The following IDH2 variants were observed in gnomAD, a reference collection of about 807,000 sequenced individuals.
IDH2 encodes isocitrate dehydrogenase (NADP(+)) 2, also known as isocitrate dehydrogenase [NADP], mitochondrial.
A neutral mutation model predicts 50.5 loss-of-function variants in IDH2; 18 were observed. The ratio of observed to expected loss-of-function variants is 0.36; its 90% CI spans 0.25 to 0.53. IDH2 has a LOEUF of 0.53. Ranked by LOEUF, IDH2 falls within the 20% of genes least tolerant of loss-of-function variation. The pLI is 0.92. For missense variants in IDH2, 518 were observed against 610.7 expected (o/e 0.85, Z 1.60); for synonymous variants, 280 against 239.8 (o/e 1.17, Z -1.55).
rs963793195 is a variant in IDH2 at position 90,100,849 on chromosome 15, C to T, written c.115+1427G>A. ...ACATGGGGACTTCTAGAAGGGCCTGCAACTGACTGCTTTTTCTGTATCCAA... is the reference window on the plus strand; with the variant it reads ...ACATGGGGACTTCTAGAAGGGCCTGTAACTGACTGCTTTTTCTGTATCCAA... On this transcript the variant is annotated intron_variant, in intron 1 of 10. Transcript: ENST00000330062. The surrounding 1 kb of genome is among the most constrained non-coding windows in gnomAD (Gnocchi z 4.1). Among the ~76,000 whole-genome samples, 6 of 152,082 alleles carry T rather than the reference C, an allele frequency of 3.9e-5. No homozygotes were observed. The highest frequency in any genetic ancestry group is 1.4e-4 in the African/African-American group (6 of 41,414).
rs762170003 is a variant in IDH2 at position 90,088,694 on chromosome 15, G to A, written c.427C>T (p.Leu143=). 7.4e-6 allele frequency: 12 copies of A among 1,614,052 alleles called. No homozygotes were observed. The highest frequency in any genetic ancestry group is 9.3e-6 in the Non-Finnish European group (11 of 1,180,014). The change falls in exon 4 of 11, where the codon CTG becomes TTG. Residue 143 remains leucine (L), a synonymous_variant. Coordinates refer to ENST00000330062, the MANE Select transcript of IDH2 (RefSeq NM_002168.4). ...GGCTCCCGGAAGACAGTCCCCCCCAGGATGTTCCGGATAGTTCCATTGGGA... is the reference window on the plus strand; with the variant it reads ...GGCTCCCGGAAGACAGTCCCCCCCAAGATGTTCCGGATAGTTCCATTGGGA... ...KSPNGTIRNI[L]GGTVFREPII...
rs1901239498 is a variant in IDH2 at position 90,098,511 on chromosome 15, T to TATGTATGTATGTATGCATGCATGC, written c.115+3764_115+3765insGCATGCATGCATACATACATACAT. ...AGCAACTTTGTATATTTTATGTATG[T>TATGTATGTATGTATGCATGCATGC]ATGTATGTATGTATGCATGCATGTA... On this transcript the variant is annotated intron_variant, in intron 1 of 10. Transcript: ENST00000330062. This position sits in a 1 kb window ranked among gnomAD's most constrained non-coding sequence, Gnocchi z 5.1. Among the ~76,000 whole-genome samples the TATGTATGTATGTATGCATGCATGC allele has an allele frequency of 1.4e-5, 2 of 139,862 alleles. No individual in the cohort carries two copies. The highest frequency in any genetic ancestry group is 2.1e-4 in the East Asian group (1 of 4,760). The allele number at this position is 139,862 out of a possible 152,430, so 91.8% of individuals were successfully genotyped here.
intron 3 of IDH2, 42 bp downstream of exon 3, chr15:90,090,437 C>T (rs1484626117): frequency 6.2e-7 from 1 of 1,607,502 alleles, no homozygotes; most frequent in Non-Finnish European, 8.5e-7. Context: ...GTGGGAGAAG[C>T]CTGTGACCCT....
In IDH2 at chr15:90,100,565, C is replaced by T. The variant is rs1266172676; in HGVS notation, c.115+1711G>A. The T allele has an allele frequency of 2.4e-5, 23 of 960,596 alleles. 1 individual carries two copies. The Admixed American group carries it at 1.4e-3, about 59-fold the overall frequency. 59.5% of individuals were successfully genotyped at this position (960,596 alleles called of 1,614,324 possible). On this transcript the variant is annotated intron_variant, in intron 1 of 10. Coordinates refer to ENST00000330062, the MANE Select transcript of IDH2 (RefSeq NM_002168.4). This position sits in a 1 kb window ranked among gnomAD's most constrained non-coding sequence, Gnocchi z 4.1. ...CAGAACTGGTCCGCACTGCCCCAAG[C>T]TCTAACTTACCAGAAACATCACCAG...
At chr15:90,102,115 G>C (rs1304152294) in intron 1 of IDH2, among the ~76,000 whole-genome samples, 161 bp downstream of exon 1, 2 of 151,972 alleles carry the variant, frequency 1.3e-5, no homozygotes, top group East Asian at 1.9e-4. Context: ...AGCGCCGGGC[G>C]GGGGAGCGCG....
chr15:90,083,701 A>T lies in IDH2; in HGVS notation c.*565T>A, dbSNP rs1003841880. ...AGAAAAAAATCAATGACAACCTATC[A>T]GGAACTGATTGACTCTCAGAATGGA... is the stretch of plus-strand genomic sequence containing the variant. On this transcript the variant is annotated 3_prime_UTR_variant, in exon 11 of 11. Coordinates refer to ENST00000330062, the MANE Select transcript of IDH2 (RefSeq NM_002168.4). 2 of 179,592 alleles carry T rather than the reference A, an allele frequency of 1.1e-5. No homozygotes were observed. The highest frequency in any genetic ancestry group is 4.8e-5 in the African/African-American group (2 of 42,092). 11.1% of individuals were successfully genotyped at this position (179,592 alleles called of 1,614,324 possible).
rs778909355 is a variant in IDH2, at chr15:90,100,848, G to A, written c.115+1428C>T. On this transcript the variant is annotated intron_variant, in intron 1 of 10. Coordinates refer to ENST00000330062, the MANE Select transcript of IDH2 (RefSeq NM_002168.4). This position sits in a 1 kb window ranked among gnomAD's most constrained non-coding sequence, Gnocchi z 4.1. ...CACATGGGGACTTCTAGAAGGGCCT[G>A]CAACTGACTGCTTTTTCTGTATCCA... 7.9e-5 allele frequency among the ~76,000 whole-genome samples: 12 copies of A among 151,878 alleles called. No individual in the cohort carries two copies. Among genetic ancestry groups the A allele is most frequent in the Non-Finnish European group, 1.8e-4 (12 of 68,004 alleles).
intron 6 of IDH2, 77 bp from the exon 7 acceptor site, chr15:90,087,340 T>A: frequency 6.2e-7 from 1 of 1,612,502 alleles, no homozygotes; most frequent in Non-Finnish European, 8.5e-7. Context: ...GCCTCGGAGC[T>A]GAGCCAAATG....
In IDH2 at chr15:90,098,315, T is replaced by C. The variant is rs1320651917; in HGVS notation, c.115+3961A>G. Among the ~76,000 whole-genome samples the C allele has an allele frequency of 6.6e-6, 1 of 152,154 alleles. No individual in the cohort carries two copies. Among genetic ancestry groups the C allele is most frequent in the Non-Finnish European group, 1.5e-5 (1 of 68,036 alleles). On this transcript the variant is annotated intron_variant, in intron 1 of 10. Transcript: ENST00000330062. This position sits in a 1 kb window ranked among gnomAD's most constrained non-coding sequence, Gnocchi z 5.1. The stretch of plus-strand genomic sequence containing the variant: ...AAACACATCCCTGGCTTCTTGCTGC[T>C]CCCAGCAGGAGGCTAGAGGTCCAGC...
chr15:90,086,917 C>T (rs1900873485), intron 7 of IDH2, among the ~76,000 whole-genome samples, 195 bp downstream of exon 7: 1 of 152,144 alleles, frequency 6.6e-6, no homozygotes, highest in Non-Finnish European at 1.5e-5. Context: ...CAGCCTCAGT[C>T]ATACACCAGT....
At position 90,091,653 on chromosome 15, in the gene IDH2, A is replaced by G; in HGVS notation, c.116-9T>C. 2.5e-6 allele frequency: 4 copies of G among 1,611,904 alleles called. No homozygotes were observed. Among genetic ancestry groups the G allele is most frequent in the Non-Finnish European group, 3.4e-6 (4 of 1,177,914 alleles). On this transcript the variant is annotated splice_polypyrimidine_tract_variant and intron_variant, in intron 1 of 10. Coordinates refer to ENST00000330062, the MANE Select transcript of IDH2 (RefSeq NM_002168.4). ...GATCCTTTTGTCGGCATCTAGAAGC[A>G]GGGACACACAGCGCATCATGCCCCT...
At chr15:90,091,771 C>G (rs1348660095) in intron 1 of IDH2, 127 bp from the exon 2 acceptor site, 7 of 787,590 alleles carry the variant, frequency 8.9e-6, no homozygotes, top group Non-Finnish European at 1.6e-5. Flanking sequence ...TGCCCGGTGT[C>G]CACTCCCCCG....
chr15:90,101,329 C>T (rs1008474692), intron 1 of IDH2, among the ~76,000 whole-genome samples: 3 of 152,224 alleles, frequency 2.0e-5, no homozygotes, highest in African/African-American at 7.2e-5. Flanking sequence ...TGGCAACAGG[C>T]ATTAGGCAGG....
chr15:90,100,821 C>T lies in IDH2; in HGVS notation c.115+1455G>A. 5.6e-6 allele frequency: 1 copy of T among 177,848 alleles called. No homozygotes were observed. Among genetic ancestry groups the T allele is most frequent in the Non-Finnish European group, 1.1e-5 (1 of 91,454 alleles). The allele number at this position is 177,848 out of a possible 1,614,324, so 11.0% of individuals were successfully genotyped here. On this transcript the variant is annotated intron_variant, in intron 1 of 10. Coordinates refer to ENST00000330062, the MANE Select transcript of IDH2 (RefSeq NM_002168.4). The surrounding 1 kb of genome is among the most constrained non-coding windows in gnomAD (Gnocchi z 4.1). Reference sequence around the variant, plus strand: ...AAGCAATTTCCCCATTCATAACCAACCCACATGGGGACTTCTAGAAGGGCC... The same window carrying T: ...AAGCAATTTCCCCATTCATAACCAATCCACATGGGGACTTCTAGAAGGGCC...
At position 90,085,313 on chromosome 15, in the gene IDH2, G is replaced by A. The variant is rs1424604376; in HGVS notation, c.1042C>T (p.His348Tyr). 1.3e-6 allele frequency: 2 copies of A among 1,552,086 alleles called. No individual in the cohort carries two copies. Among genetic ancestry groups the A allele is most frequent in the South Asian group, 1.2e-5 (1 of 84,232 alleles). Residue 348 changes from histidine (H) to tyrosine (Y), a missense_variant, in exon 8 of 11, where the codon CAT becomes TAT. By Grantham distance (83) the His-to-Tyr change is moderately conservative. Coordinates refer to ENST00000330062, the MANE Select transcript of IDH2 (RefSeq NM_002168.4). This position sits in a 1 kb window ranked among gnomAD's most constrained non-coding sequence, Gnocchi z 5.5. Reference sequence around the variant, plus strand: ...CGATAGTGGCGGGTGACGGTCCCATGAGCGGCCTCAGCCTCAATCGTCTTC... The same window carrying A: ...CGATAGTGGCGGGTGACGGTCCCATAAGCGGCCTCAGCCTCAATCGTCTTC... ...DGKTIEAEAA[H>Y]GTVTRHYREH...
chr15:90,084,782 C>CCT lies in IDH2; in HGVS notation c.1271+33_1271+34insAG. On this transcript the variant is annotated intron_variant, in intron 10 of 10. Coordinates refer to ENST00000330062, the MANE Select transcript of IDH2 (RefSeq NM_002168.4). This position sits in a 1 kb window ranked among gnomAD's most constrained non-coding sequence, Gnocchi z 5.0. Reference sequence around the variant, plus strand: ...GGTCCCCTGGCTTCCTCCCACATGGCCCCAGGGTCTGCCTACCACCCCAGG... The same window carrying CCT: ...GGTCCCCTGGCTTCCTCCCACATGGCCTCCCAGGGTCTGCCTACCACCCCAGG... The CCT allele has an allele frequency of 6.4e-7, 1 of 1,568,496 alleles. No homozygotes were observed.
rs551629636 is a variant in IDH2, at chr15:90,084,526, G to A, written c.1272-173C>T. 8.5e-5 allele frequency among the ~76,000 whole-genome samples: 13 copies of A among 152,268 alleles called. No homozygotes were observed. The highest frequency in any genetic ancestry group is 8.3e-4 in the South Asian group (4 of 4,814). ...CCCTACCATGAGGCCACCGAGATTC[G>A]GCAGGCACCCGCAGGGTCTGTCTTG... On this transcript the variant is annotated intron_variant, in intron 10 of 10. Coordinates refer to ENST00000330062, the MANE Select transcript of IDH2 (RefSeq NM_002168.4). The surrounding 1 kb of genome is among the most constrained non-coding windows in gnomAD (Gnocchi z 5.0).
At chr15:90,091,493 G>T in intron 2 of IDH2, 60 bp downstream of exon 2, 1 of 1,327,328 alleles carries the variant, frequency 7.5e-7, no homozygotes, top group Non-Finnish European at 1.1e-6. Flanking sequence ...GACCCTGTGG[G>T]ACAGAACAAT....
Position 90,084,320 on chromosome 15 carries a change from CGTG to C in IDH2, c.1302_1304del (p.Thr435del). 1 of 1,614,098 alleles carries C rather than the reference CGTG, an allele frequency of 6.2e-7. No individual in the cohort carries two copies. Among genetic ancestry groups the C allele is most frequent in the Non-Finnish European group, 8.5e-7 (1 of 1,179,998 alleles). On this transcript the variant is annotated inframe_deletion, in exon 11 of 11. Coordinates refer to ENST00000330062, the MANE Select transcript of IDH2 (RefSeq NM_002168.4). This position sits in a 1 kb window ranked among gnomAD's most constrained non-coding sequence, Gnocchi z 5.0. ...TGCTCTTGATGGTGTCGAGGAAGTC[CGTG>C]GTGTTCAGGAAGTGCTCGTTCAGCT...
Sources: gnomAD v4.1 joint callset for allele counts (sites outside exome capture counted in the v4.1 genomes callset) on GRCh38, gnomAD v4.1.1 for gene constraint, Gnocchi (gnomAD v3.1) non-coding constraint, MANE v1.5 for transcripts, NCBI Gene and HGNC (gene_info 2026-07-23, HGNC 2026-07-21) for gene names.